The following HDAC9 variants were observed in gnomAD, a reference collection of about 807,000 sequenced individuals.
HDAC9 encodes MEF-2 interacting transcription repressor (MITR) protein.
A neutral mutation model predicts 139.4 loss-of-function variants in HDAC9; 41 were observed. The ratio of observed to expected loss-of-function variants is 0.29; its 90% CI spans 0.23 to 0.38. The LOEUF is 0.38. Ranked by LOEUF, HDAC9 falls within the 10% of genes least tolerant of loss-of-function variation. The probability of loss-of-function intolerance (pLI) is 1.00; values close to 1 mark genes in which losing one functional copy is unlikely to be tolerated. For missense variants in HDAC9, 1,147 were observed against 1,297.0 expected (o/e 0.88, Z 1.78); for synonymous variants, 517 against 476.2 (o/e 1.09, Z -1.12).
intron 21 of HDAC9, among the ~76,000 whole-genome samples, chr7:18,842,706 A>G (rs1252648710): frequency 3.3e-5 from 5 of 152,112 alleles, no homozygotes; most frequent in South Asian, 2.1e-4. Flanking sequence ...TCTGTTCAAC[A>G]TATTGTACCA....
chr7:18,394,562 G>A lies in HDAC9; in HGVS notation c.-41-101700G>A, dbSNP rs1231144825. Reference sequence around the variant, plus strand: ...GAAATTCTGATTCAGTGGTCCAAGGGGACTGGGCCTGGGTGTGTATGCATG... The same window carrying A: ...GAAATTCTGATTCAGTGGTCCAAGGAGACTGGGCCTGGGTGTGTATGCATG... On this transcript the variant is annotated intron_variant, in intron 1 of 3. Coordinates refer to the HDAC9 transcript ENST00000413509. 3.9e-5 allele frequency among the ~76,000 whole-genome samples: 6 copies of A among 152,118 alleles called. No homozygotes were observed. In the East Asian group the frequency reaches 1.2e-3, roughly 29 times the overall value.
intron 21 of HDAC9, among the ~76,000 whole-genome samples, chr7:18,852,387 C>T (rs1364131312): frequency 1.3e-5 from 2 of 152,076 alleles, no homozygotes; most frequent in African/African-American, 4.8e-5. Context: ...TAGAGTCAGG[C>T]GAGGAGGCGG....
chr7:18,949,427 T>TA (rs1782633542), intron 23 of HDAC9: 1 of 241,192 alleles, frequency 4.1e-6, no homozygotes, highest in Non-Finnish European at 8.4e-6. Flanking sequence ...TGCTGCCCAT[T>TA]AATATGCACT....
chr7:18,221,023 T>G (rs1792660473), intron 2 of HDAC9, among the ~76,000 whole-genome samples: 1 of 152,186 alleles, frequency 6.6e-6, no homozygotes, highest in African/African-American at 2.4e-5. Flanking sequence ...AACACTTTAT[T>G]TTTCAAGAAA....
chr7:18,140,375 A>G (rs1785811708), intron 1 of HDAC9, among the ~76,000 whole-genome samples: 1 of 152,174 alleles, frequency 6.6e-6, no homozygotes, highest in Admixed American at 6.5e-5. Context: ...CATAAAAGTT[A>G]TTGTACAGGG....
At chr7:18,795,257 T>TAAAAAAAAAAAAAAAAAAAAA (rs5882676) in intron 17 of HDAC9, among the ~76,000 whole-genome samples, 69 of 65,490 alleles carry the variant, frequency 1.1e-3, no homozygotes, top group African/African-American at 3.8e-3. Flanking sequence ...AAGAAAACAG[T>TAAAAAAAAAAAAAAAAAAAAA]AAAAAAAAAA....
intron 1 of HDAC9, among the ~76,000 whole-genome samples, chr7:18,471,629 TACCCA>T (rs1262851891): frequency 6.6e-6 from 1 of 152,230 alleles, no homozygotes; most frequent in Non-Finnish European, 1.5e-5. Context: ...TCTGGAATGC[TACCCA>T]ACATAACTCA....
chr7:18,291,401 T>C (rs1249124507), intron 1 of HDAC9, among the ~76,000 whole-genome samples: 1 of 152,070 alleles, frequency 6.6e-6, no homozygotes, highest in Non-Finnish European at 1.5e-5. Flanking sequence ...CCTTTCTGTG[T>C]CTCAGTTTCC....
At chr7:18,820,937 C>A (rs1450045927) in intron 17 of HDAC9, among the ~76,000 whole-genome samples, 1 of 152,166 alleles carries the variant, frequency 6.6e-6, no homozygotes, top group Non-Finnish European at 1.5e-5. Context: ...CAAAATACCA[C>A]AGATGCAGTA....
intron 8 of HDAC9, among the ~76,000 whole-genome samples, chr7:18,644,391 C>T (rs947836783): frequency 2.6e-5 from 4 of 152,004 alleles, no homozygotes; most frequent in African/African-American, 9.7e-5. Flanking sequence ...ACTTTATCAG[C>T]AGATGACAAA....
rs371085649 is a variant in HDAC9, at chr7:18,829,515, A to G, written c.2433A>G (p.Gln811=). ...VAITAKYLRD[Q]LNISKILIVD... ...TTACCGCCAAATACTTGAGAGACCAACTAAATATAAGCAAGATATTGATTG... is the reference window on the plus strand; with the variant it reads ...TTACCGCCAAATACTTGAGAGACCAGCTAAATATAAGCAAGATATTGATTG... The change falls in exon 19 of 26, where the codon CAA becomes CAG. Residue 811 remains glutamine, a synonymous_variant. Transcript: ENST00000686413. 5.8e-5 allele frequency: 94 copies of G among 1,611,038 alleles called. No individual in the cohort carries two copies. Among genetic ancestry groups the G allele is most frequent in the Non-Finnish European group, 7.6e-5 (90 of 1,177,508 alleles).
At chr7:18,508,286 T>C (rs950052781) in intron 2 of HDAC9, among the ~76,000 whole-genome samples, 10 of 152,196 alleles carry the variant, frequency 6.6e-5, no homozygotes, top group Admixed American at 3.3e-4. Context: ...AAAGGGTATC[T>C]TTCTAAAAAA....
intron 2 of HDAC9, among the ~76,000 whole-genome samples, chr7:18,264,831 A>G (rs937830318): frequency 1.1e-4 from 17 of 152,314 alleles, no homozygotes; most frequent in Middle Eastern, 3.4e-3. Flanking sequence ...ACTTACAAGG[A>G]AAAGTTGTTT....
rs115765658 is a variant in HDAC9 at position 18,243,200 on chromosome 7, A to G, written c.25+80851A>G. Among the ~76,000 whole-genome samples the G allele has an allele frequency of 4.6e-3, 706 of 152,298 alleles. 5 individuals carry two copies. The highest frequency in any genetic ancestry group is 0.016 in the African/African-American group (665 of 41,558). On this transcript the variant is annotated intron_variant, in intron 2 of 12. Transcript: ENST00000417496. Reference sequence around the variant, plus strand: ...AGTGTAAAAGCAAACACTAATTGGGAAAATATACAGGAAAAAATGTTCGAT... The same window carrying G: ...AGTGTAAAAGCAAACACTAATTGGGGAAATATACAGGAAAAAATGTTCGAT...
intron 25 of HDAC9, among the ~76,000 whole-genome samples, chr7:18,976,300 C>A (rs1784547162): frequency 6.6e-6 from 1 of 152,114 alleles, no homozygotes. Flanking sequence ...CTCTGTTTTT[C>A]CAGATGTTCT....
At chr7:18,123,274 A>T (rs1423310836) in intron 1 of HDAC9, among the ~76,000 whole-genome samples, 1 of 152,222 alleles carries the variant, frequency 6.6e-6, no homozygotes. Flanking sequence ...TAAAAGCCAG[A>T]ACTCCAAATG....
intron 13 of HDAC9, among the ~76,000 whole-genome samples, chr7:18,743,743 A>T (rs1020846467): frequency 6.6e-5 from 10 of 151,760 alleles, no homozygotes; most frequent in African/African-American, 2.4e-4. Flanking sequence ...AATTAAAAAA[A>T]TAAGACACCG....
chr7:18,123,710 C>T (rs1049258388), intron 1 of HDAC9, among the ~76,000 whole-genome samples: 1 of 152,100 alleles, frequency 6.6e-6, no homozygotes, highest in African/African-American at 2.4e-5. Flanking sequence ...CTAGGGCAGG[C>T]AACAGGGTGT....
chr7:18,957,195 G>A (rs979400467), intron 24 of HDAC9, among the ~76,000 whole-genome samples: 37 of 152,156 alleles, frequency 2.4e-4, no homozygotes, highest in African/African-American at 8.2e-4. Flanking sequence ...ACTCGGTAGA[G>A]AGAAAGTGTT....
Sources: allele counts gnomAD v4.1 joint callset (sites outside exome capture counted in the v4.1 genomes callset), GRCh38; gene constraint gnomAD v4.1.1; transcripts MANE v1.5; gene names NCBI Gene and HGNC (gene_info 2026-07-23, HGNC 2026-07-21).